DACH2: variants seen among roughly 807,000 people sequenced by gnomAD.
DACH2 encodes the protein dachshund homolog 2.
DACH2 carries 17 observed loss-of-function variants against 35.8 expected under a neutral mutation model. That is an observed-to-expected ratio of 0.48 (90% CI 0.33 to 0.71). The LOEUF is 0.71. DACH2 is among the 30% of genes least tolerant of loss of function. The pLI is 0.02. For missense variants in DACH2, 469 were observed against 472.7 expected, an observed-to-expected ratio of 0.99 and a Z score of 0.07; for synonymous variants, 195 against 177.3, an observed-to-expected ratio of 1.10 and a Z score of -0.79.
intron 4 of DACH2, among the ~76,000 whole-genome samples, chrX:86,667,974 C>G (rs1457179522): frequency 1.8e-5 from 2 of 111,978 alleles, no homozygotes; most frequent in African/African-American, 3.2e-5. Context: ...ATGAGAACTG[C>G]ACATTTCACT....
rs753158220 is a variant in DACH2 at position 86,772,870 on chromosome X, G to GT, written c.1240+32994dup. On this transcript the variant is annotated intron_variant, in intron 7 of 11. Transcript: ENST00000373125. ...AGAATTCCTAAGCCCCTTGAGGACA[G>GT]TTTTTTCCTACTATATAAGACAGTC... Among the ~76,000 whole-genome samples the GT allele has an allele frequency of 5.3e-3, 587 of 110,981 alleles. 2 individuals are homozygous for GT. Among genetic ancestry groups the GT allele is most frequent in the Non-Finnish European group, 8.9e-3 (470 of 52,923 alleles).
intron 6 of DACH2, among the ~76,000 whole-genome samples, chrX:86,727,834 T>C (rs1488576853): frequency 8.9e-6 from 1 of 112,004 alleles, no homozygotes; most frequent in Non-Finnish European, 1.9e-5. Flanking sequence ...TTAAACTTTT[T>C]TTCTTATAGG....
At chrX:86,187,942 T>C (rs904251112) in intron 1 of DACH2, among the ~76,000 whole-genome samples, 1 of 112,027 alleles carries the variant, frequency 8.9e-6, no homozygotes, top group Non-Finnish European at 1.9e-5. Context: ...ACTTGATTTA[T>C]TGCCATATAC....
intron 1 of DACH2, among the ~76,000 whole-genome samples, chrX:86,223,398 T>G (rs753641670): frequency 1.3e-4 from 14 of 111,723 alleles, no homozygotes; most frequent in Admixed American, 3.8e-4. Context: ...TGTCTTTAAA[T>G]TTTAGCATTA....
chrX:86,780,307 C>A (rs1197456437), intron 7 of DACH2, among the ~76,000 whole-genome samples: 1 of 111,241 alleles, frequency 9.0e-6, no homozygotes, highest in African/African-American at 3.3e-5. Context: ...CTCAAAACAA[C>A]CACACTAGTT....
rs2041053968 is a variant in DACH2, at chrX:86,695,245, C to G, written c.931+66C>G. ...AATACTATCCAAGACCTACTAGAAA[C>G]CTTTGGCTGGCAGGGCTTAGTCTAT... On this transcript the variant is annotated intron_variant, in intron 5 of 11. Transcript: ENST00000373125. The G allele has an allele frequency of 4.6e-6, 4 of 871,638 alleles. No individual in the cohort carries two copies. The South Asian group carries it at 2.0e-4, about 43-fold the overall frequency. 71.8% of individuals were successfully genotyped at this position (871,638 alleles called of 1,213,427 possible). A position where few individuals can be genotyped will look rare whatever the true frequency, so the allele number is the denominator to read the frequency against.
In DACH2 at chrX:86,392,119, A is replaced by T. The variant is rs1445433004; in HGVS notation, c.527+15257A>T. 3.6e-5 allele frequency among the ~76,000 whole-genome samples: 4 copies of T among 111,221 alleles called. No homozygotes were observed. In the Admixed American group the frequency reaches 3.8e-4, roughly 11 times the overall value. ...TTTTGCTATAATGGATGTTTCAATG[A>T]TTAATTTTATATTTGTTTTCCTATC... On this transcript the variant is annotated intron_variant, in intron 2 of 11. Coordinates refer to ENST00000373125, the MANE Select transcript of DACH2 (RefSeq NM_053281.3).
At chrX:86,308,513 G>T (rs1283321212) in intron 1 of DACH2, among the ~76,000 whole-genome samples, 2 of 112,142 alleles carry the variant, frequency 1.8e-5, no homozygotes, top group Non-Finnish European at 1.9e-5. Flanking sequence ...CTTGTAGGTC[G>T]AATGGACAAA....
At chrX:86,208,037 C>G (rs1388837843) in intron 1 of DACH2, among the ~76,000 whole-genome samples, 1 of 110,537 alleles carries the variant, frequency 9.0e-6, no homozygotes, top group Non-Finnish European at 1.9e-5. Context: ...GAAACACAAC[C>G]CATCCCAGCA....
intron 1 of DACH2, among the ~76,000 whole-genome samples, chrX:86,228,451 G>GAA (rs776077441): frequency 2.1e-5 from 2 of 93,177 alleles, no homozygotes; most frequent in South Asian, 4.5e-4. Context: ...GGGTAAAGAG[G>GAA]AAAAAAAAAA....
At chrX:86,338,769 G>A (rs887903330) in intron 1 of DACH2, among the ~76,000 whole-genome samples, 6 of 111,529 alleles carry the variant, frequency 5.4e-5, no homozygotes, top group African/African-American at 2.0e-4. Flanking sequence ...AAAAATCAAT[G>A]AATCCAGGAG....
intron 2 of DACH2, among the ~76,000 whole-genome samples, chrX:86,454,823 T>A (rs1235646850): frequency 8.9e-6 from 1 of 112,066 alleles, no homozygotes; most frequent in Non-Finnish European, 1.9e-5. Context: ...GCTGGACAGG[T>A]GTTACAGTCA....
At chrX:86,253,653 G>A (rs1423675577) in intron 1 of DACH2, among the ~76,000 whole-genome samples, 1 of 111,611 alleles carries the variant, frequency 9.0e-6, no homozygotes, top group Non-Finnish European at 1.9e-5. Flanking sequence ...TATAACGTGT[G>A]ACTCCCAGAA....
chrX:86,642,343 TA>T (rs769577333), intron 3 of DACH2, among the ~76,000 whole-genome samples: 1 of 110,112 alleles, frequency 9.1e-6, no homozygotes. Context: ...CCAATAAAGA[TA>T]AAAAAAAGAC....
intron 1 of DACH2, among the ~76,000 whole-genome samples, chrX:86,284,077 G>A (rs1477403323): frequency 9.0e-6 from 1 of 110,752 alleles, no homozygotes; most frequent in East Asian, 2.8e-4. Flanking sequence ...TTTCTAATTT[G>A]GATGCCCTTT....
rs757319333 is a variant in DACH2 at position 86,691,971 on chromosome X, A to T, written c.773-3050A>T. Among the ~76,000 whole-genome samples the T allele has an allele frequency of 4.5e-5, 5 of 111,908 alleles. No individual in the cohort carries two copies. The South Asian group carries it at 1.9e-3, about 42-fold the overall frequency. On this transcript the variant is annotated intron_variant, in intron 4 of 11. Transcript: ENST00000373125. The stretch of plus-strand genomic sequence containing the variant: ...TACTGCATCTTGACAAAGAGGCATA[A>T]AAAATGCAAATATTGGGGCCGCTGA...
intron 11 of DACH2, chrX:86,828,301 T>C (rs1167833597): frequency 8.8e-6 from 1 of 113,354 alleles, no homozygotes; most frequent in African/African-American, 3.3e-5. Flanking sequence ...GGAGCTCTCA[T>C]TTCTAAAAGA....
rs773570976 is a variant in DACH2 at position 86,316,827 on chromosome X, A to G, written c.489-59997A>G. Among the ~76,000 whole-genome samples the G allele has an allele frequency of 4.5e-5, 5 of 111,129 alleles. No individual in the cohort carries two copies. In the East Asian group the frequency reaches 1.4e-3, roughly 32 times the overall value. On this transcript the variant is annotated intron_variant, in intron 1 of 11. Transcript: ENST00000373125. The stretch of plus-strand genomic sequence containing the variant: ...TAACCTTTACAAGGAGGTTTAGAAT[A>G]TAGGGTCCAAGGCTGGGCACGGTGC...
At chrX:86,391,236 A>C (rs1231560050) in intron 2 of DACH2, among the ~76,000 whole-genome samples, 1 of 87,782 alleles carries the variant, frequency 1.1e-5, no homozygotes, top group Non-Finnish European at 2.1e-5. Flanking sequence ...AGCTGAGATC[A>C]TGCCAGTGCA....
Sources: allele counts gnomAD v4.1 joint callset (sites outside exome capture counted in the v4.1 genomes callset), GRCh38; gene constraint gnomAD v4.1.1; transcripts MANE v1.5; gene names NCBI Gene and HGNC (gene_info 2026-07-23, HGNC 2026-07-21).